BRI3BP: variants seen among roughly 807,000 people sequenced by gnomAD.
BRI3BP encodes BRI3-binding protein.
In BRI3BP, 7 loss-of-function variants were observed where a neutral mutation model predicts 15.8. That is an observed-to-expected ratio of 0.44 (90% CI 0.25 to 0.83). The LOEUF is 0.83. Among genes scored for constraint, BRI3BP ranks in the 40% least tolerant of loss-of-function variants. The probability of loss-of-function intolerance (pLI) is 0.20; values close to 1 mark genes in which losing one functional copy is unlikely to be tolerated. For synonymous variants in BRI3BP, 192 were observed against 163.5 expected (o/e 1.17, Z -1.33); for missense variants, 320 against 339.3 (o/e 0.94, Z 0.45).
At chr12:125,019,932 G>T (rs1373394838) in intron 2 of BRI3BP, among the ~76,000 whole-genome samples, 2 of 145,216 alleles carry the variant, frequency 1.4e-5, no homozygotes, top group Non-Finnish European at 3.0e-5. Flanking sequence ...TCCATAGACT[G>T]TGTGGCTTAT....
Position 125,030,843 on chromosome 12 carries a change from A to C in BRI3BP, c.*5413A>C, listed in dbSNP as rs1285434149. On this transcript the variant is annotated 3_prime_UTR_variant, in exon 3 of 3. Transcript: ENST00000341446. ...ACACTTGTGAGGTATGGTATCCATT[A>C]TCAACAGTGGATTCATGATTGACTT... is the stretch of plus-strand genomic sequence containing the variant. 6.6e-6 allele frequency: 1 copy of C among 152,210 alleles called. No homozygotes were observed. Among genetic ancestry groups the C allele is most frequent in the Non-Finnish European group, 1.5e-5 (1 of 68,044 alleles). The allele number at this position is 152,210 out of a possible 1,614,324, so 9.4% of individuals were successfully genotyped here.
the BRI3BP span, among the ~76,000 whole-genome samples, chr12:125,049,087 G>A: frequency 8.5e-4 from 130 of 152,114 alleles, no homozygotes; most frequent in African/African-American, 3.0e-3. Context: ...TCAGCCTCCC[G>A]AGTGGCTGGG....
At chr12:125,010,133 G>A (rs1255639850) in intron 1 of BRI3BP, among the ~76,000 whole-genome samples, 1 of 151,990 alleles carries the variant, frequency 6.6e-6, no homozygotes, top group East Asian at 1.9e-4. Context: ...TATTGGATGT[G>A]GATGTCAACA....
At chr12:125,018,972 C>T (rs1955270288) in intron 2 of BRI3BP, among the ~76,000 whole-genome samples, 1 of 152,142 alleles carries the variant, frequency 6.6e-6, no homozygotes, top group Non-Finnish European at 1.5e-5. Context: ...GATTCTCCTG[C>T]CTCGGCCTCC....
At chr12:125,024,031 A>G (rs1256174423) in intron 2 of BRI3BP, among the ~76,000 whole-genome samples, 1 of 152,198 alleles carries the variant, frequency 6.6e-6, no homozygotes, top group African/African-American at 2.4e-5. Flanking sequence ...AGATTGTGCC[A>G]CTGCACTCCA....
chr12:125,023,613 T>C (rs1177650492), intron 2 of BRI3BP, among the ~76,000 whole-genome samples: 1 of 152,144 alleles, frequency 6.6e-6, no homozygotes, highest in African/African-American at 2.4e-5. Flanking sequence ...AGTGGCACAT[T>C]ATGGCTCACT....
chr12:125,040,101 A>C, the BRI3BP span, among the ~76,000 whole-genome samples: 1 of 152,030 alleles, frequency 6.6e-6, no homozygotes, highest in African/African-American at 2.4e-5. Flanking sequence ...ATCTCTACTG[A>C]AAATACAAAA....
intron 2 of BRI3BP, among the ~76,000 whole-genome samples, chr12:125,016,041 T>C (rs1173465548): frequency 6.6e-6 from 1 of 151,870 alleles, no homozygotes; most frequent in Non-Finnish European, 1.5e-5. Context: ...AACTACAGAG[T>C]AGGAACAGCC....
chr12:125,004,009 C>A (rs1019158927), intron 1 of BRI3BP, among the ~76,000 whole-genome samples: 3 of 150,006 alleles, frequency 2.0e-5, no homozygotes, highest in Admixed American at 1.3e-4. Context: ...ACACAACACA[C>A]AATACCATCA....
At chr12:124,994,211 GC>G (rs1594523903) in intron 1 of BRI3BP, among the ~76,000 whole-genome samples, 1 of 151,898 alleles carries the variant, frequency 6.6e-6, no homozygotes, top group African/African-American at 2.4e-5. Context: ...GCCTCGGGGC[GC>G]CCTCTCCTCT....
At chr12:124,995,895 A>G (rs548871177) in intron 1 of BRI3BP, among the ~76,000 whole-genome samples, 1 of 152,136 alleles carries the variant, frequency 6.6e-6, no homozygotes, top group African/African-American at 2.4e-5. Context: ...TACAGCATCC[A>G]GAGGCTGACC....
chr12:125,009,482 G>T (rs1955177765), intron 1 of BRI3BP, among the ~76,000 whole-genome samples: 1 of 151,834 alleles, frequency 6.6e-6, no homozygotes, highest in South Asian at 2.1e-4. Flanking sequence ...TAGAGACAAG[G>T]TTTCGCCATG....
Position 125,030,740 on chromosome 12 carries a change from A to ACATG in BRI3BP, c.*5310_*5311insCATG. On this transcript the variant is annotated 3_prime_UTR_variant, in exon 3 of 3. Transcript: ENST00000341446. Reference sequence around the variant, plus strand: ...TGAATACCATGTAATTAAACTGATTAACTTGTGATGGTGATGGTGATTAGC... The same window carrying ACATG: ...TGAATACCATGTAATTAAACTGATTACATGACTTGTGATGGTGATGGTGATTAGC... The ACATG allele has an allele frequency of 6.6e-6, 1 of 152,216 alleles. No individual in the cohort carries two copies. Among genetic ancestry groups the ACATG allele is most frequent in the South Asian group, 2.1e-4 (1 of 4,834 alleles). The allele number at this position is 152,216 out of a possible 1,614,324, so 9.4% of individuals were successfully genotyped here.
chr12:125,049,755 A>G, the BRI3BP span, among the ~76,000 whole-genome samples: 1 of 152,136 alleles, frequency 6.6e-6, no homozygotes, highest in Admixed American at 6.5e-5. Context: ...CCAGACGCGG[A>G]GGCCTGGGCC....
chr12:125,010,986 C>T lies in BRI3BP; in HGVS notation c.214-1548C>T, dbSNP rs191444703. On this transcript the variant is annotated intron_variant, in intron 1 of 2. Coordinates refer to ENST00000341446, the MANE Select transcript of BRI3BP (RefSeq NM_080626.6). ...GTGCGTGCCTGTAGTACCAGCTACT[C>T]GGGAGGCTGAGGTGGGAGGATTGCT... 6.3e-3 allele frequency among the ~76,000 whole-genome samples: 927 copies of T among 147,578 alleles called. 5 individuals are homozygous for T. Among genetic ancestry groups the T allele is most frequent in the Non-Finnish European group, 0.01 (701 of 67,328 alleles).
At chr12:125,047,963 C>T in the BRI3BP span, among the ~76,000 whole-genome samples, 2 of 148,576 alleles carry the variant, frequency 1.3e-5, no homozygotes, top group African/African-American at 5.0e-5. Context: ...TCCCAAAGTG[C>T]TGGGATTACA....
the BRI3BP span, among the ~76,000 whole-genome samples, chr12:125,050,489 C>T: frequency 6.6e-6 from 1 of 152,080 alleles, no homozygotes; most frequent in Non-Finnish European, 1.5e-5. Context: ...AAAAGAAATG[C>T]ACAATATCGA....
chr12:125,015,114 C>T (rs1022782063), intron 2 of BRI3BP, among the ~76,000 whole-genome samples: 11 of 152,180 alleles, frequency 7.2e-5, no homozygotes, highest in African/African-American at 2.2e-4. Context: ...CACTGCTTAG[C>T]CAGTCATGTG....
chr12:125,044,688 G>A, the BRI3BP span, among the ~76,000 whole-genome samples: 1 of 152,128 alleles, frequency 6.6e-6, no homozygotes, highest in Non-Finnish European at 1.5e-5. Flanking sequence ...GGCCTCAAGT[G>A]ATCTGTCTGC....
Sources: allele counts gnomAD v4.1 joint callset (sites outside exome capture counted in the v4.1 genomes callset), GRCh38; gene constraint gnomAD v4.1.1; transcripts MANE v1.5; gene names NCBI Gene and HGNC (gene_info 2026-07-23, HGNC 2026-07-21).